SYT9: variants seen among roughly 807,000 people sequenced by gnomAD.
The protein encoded by SYT9 is synaptotagmin-9.
A neutral mutation model predicts 48.4 loss-of-function variants in SYT9; 22 were observed. That is an observed-to-expected ratio of 0.45 (90% CI 0.32 to 0.65). The LOEUF is 0.65. Ranked by LOEUF, SYT9 falls within the 30% of genes least tolerant of loss-of-function variation. The pLI is 0.03. For missense variants in SYT9, 577 were observed against 622.0 expected (o/e 0.93, Z 0.77); for synonymous variants, 265 against 245.0 (o/e 1.08, Z -0.76).
At chr11:7,296,663 G>A (rs1278377983) in intron 1 of SYT9, among the ~76,000 whole-genome samples, 1 of 151,538 alleles carries the variant, frequency 6.6e-6, no homozygotes, top group Non-Finnish European at 1.5e-5. Context: ...TTTTTAAATT[G>A]CAAAAGAGAG....
intron 6 of SYT9, among the ~76,000 whole-genome samples, chr11:7,455,823 CTT>C (rs1390216517): frequency 6.6e-6 from 1 of 152,184 alleles, no homozygotes; most frequent in East Asian, 1.9e-4. Context: ...TACAGCTGCT[CTT>C]TGTGACCTGT....
At chr11:7,267,007 C>G (rs1382380191) in intron 1 of SYT9, among the ~76,000 whole-genome samples, 3 of 151,918 alleles carry the variant, frequency 2.0e-5, no homozygotes, top group Non-Finnish European at 2.9e-5. Flanking sequence ...TTTTCCAAAA[C>G]CTCATGCTAA....
chr11:7,303,447 T>TGCTATTGTTGCCAGAGAG, intron 2 of SYT9, 57 bp downstream of exon 2: 1 of 1,426,802 alleles, frequency 7.0e-7, no homozygotes, highest in Non-Finnish European at 9.4e-7. Context: ...TTCCCCTCTC[T>TGCTATTGTTGCCAGAGAG]GGCAACAATA....
At chr11:7,354,636 C>T (rs1044493298) in intron 3 of SYT9, among the ~76,000 whole-genome samples, 39 of 152,114 alleles carry the variant, frequency 2.6e-4, no homozygotes, top group Non-Finnish European at 1.0e-4. Context: ...GTTCTACTTT[C>T]CCATGCTGTC....
intron 3 of SYT9, among the ~76,000 whole-genome samples, chr11:7,391,587 A>G (rs1471407960): frequency 6.6e-6 from 1 of 151,792 alleles, no homozygotes; most frequent in East Asian, 1.9e-4. Flanking sequence ...TTGAATGCTT[A>G]TATGTCTTAT....
In SYT9 at chr11:7,463,769, G is replaced by T. The variant is rs7103611; in HGVS notation, c.1468-3023G>T. Among the ~76,000 whole-genome samples the T allele has an allele frequency of 7.6e-3, 1,163 of 152,154 alleles. 12 individuals are homozygous for T. The highest frequency in any genetic ancestry group is 0.027 in the African/African-American group (1,107 of 41,496). ...TTCAGAGCCCAGAAAACTCACCCAAGTGAAGGGCTGCACCTTAAGAAGGGG... is the reference window on the plus strand; with the variant it reads ...TTCAGAGCCCAGAAAACTCACCCAATTGAAGGGCTGCACCTTAAGAAGGGG... On this transcript the variant is annotated intron_variant, in intron 6 of 6. Transcript: ENST00000318881.
chr11:7,353,206 G>A (rs1244729718), intron 3 of SYT9, among the ~76,000 whole-genome samples: 6 of 152,054 alleles, frequency 3.9e-5, no homozygotes, highest in African/African-American at 1.4e-4. Flanking sequence ...CACAGGAGAG[G>A]CATTGCAAGA....
At chr11:7,422,620 T>C (rs1261057876) in intron 6 of SYT9, among the ~76,000 whole-genome samples, 1 of 152,346 alleles carries the variant, frequency 6.6e-6, no homozygotes, top group East Asian at 1.9e-4. Flanking sequence ...TTATTGGTAA[T>C]TAGGAGTATC....
chr11:7,397,225 T>C (rs1257021797), intron 3 of SYT9, among the ~76,000 whole-genome samples: 2 of 152,110 alleles, frequency 1.3e-5, no homozygotes, highest in Non-Finnish European at 2.9e-5. Context: ...TGTTTGCAAA[T>C]AGATATCCAA....
At chr11:7,428,417 G>T (rs1847507049) in intron 6 of SYT9, among the ~76,000 whole-genome samples, 1 of 152,166 alleles carries the variant, frequency 6.6e-6, no homozygotes, top group East Asian at 1.9e-4. Flanking sequence ...AACATGATAG[G>T]CCAGTTCTTT....
intron 3 of SYT9, among the ~76,000 whole-genome samples, chr11:7,355,097 T>C (rs1849992602): frequency 6.6e-6 from 1 of 152,206 alleles, no homozygotes; most frequent in Non-Finnish European, 1.5e-5. Flanking sequence ...TACGTTTCCA[T>C]AGGTTTTCTC....
chr11:7,446,297 G>A (rs1227142398), intron 6 of SYT9, among the ~76,000 whole-genome samples: 1 of 152,226 alleles, frequency 6.6e-6, no homozygotes, highest in East Asian at 1.9e-4. Flanking sequence ...TCTGAGAGTT[G>A]TAAGAATTAA....
chr11:7,397,587 C>T (rs1846780598), intron 3 of SYT9, among the ~76,000 whole-genome samples: 2 of 152,088 alleles, frequency 1.3e-5, no homozygotes, highest in South Asian at 4.1e-4. Flanking sequence ...TGGAATGGCA[C>T]TAAATTTATA....
intron 3 of SYT9, among the ~76,000 whole-genome samples, chr11:7,390,135 G>GCTCCCCAC (rs1321430707): frequency 5.9e-5 from 9 of 151,886 alleles, no homozygotes; most frequent in African/African-American, 2.2e-4. Flanking sequence ...CCCTCCCCCA[G>GCTCCCCAC]CTCCCCACCT....
chr11:7,288,206 G>T (rs1168914579), intron 1 of SYT9, among the ~76,000 whole-genome samples: 4 of 151,608 alleles, frequency 2.6e-5, no homozygotes, highest in Non-Finnish European at 5.9e-5. Flanking sequence ...CTCCATAGAA[G>T]TACTTTGACA....
chr11:7,308,363 A>G lies in SYT9; in HGVS notation c.497+4973A>G, dbSNP rs569079766. Among the ~76,000 whole-genome samples the G allele has an allele frequency of 3.3e-5, 5 of 152,254 alleles. No individual in the cohort carries two copies. The South Asian group carries it at 1.0e-3, about 32-fold the overall frequency. On this transcript the variant is annotated intron_variant, in intron 2 of 6. Transcript: ENST00000318881. ...GTGGGCCACTGCAGTGAAGGAACAT[A>G]TATTAGGGTGCACTTGTTCATGGCT...
intron 3 of SYT9, among the ~76,000 whole-genome samples, chr11:7,413,416 A>T (rs1847177934): frequency 6.6e-6 from 1 of 152,158 alleles, no homozygotes; most frequent in Admixed American, 6.5e-5. Context: ...TCTTTGAAGC[A>T]ATACCACTGT....
At chr11:7,355,482 A>G (rs1247822932) in intron 3 of SYT9, among the ~76,000 whole-genome samples, 1 of 152,188 alleles carries the variant, frequency 6.6e-6, no homozygotes, top group African/African-American at 2.4e-5. Flanking sequence ...CTCAACTCAA[A>G]TCTCACCTTC....
chr11:7,362,104 T>C (rs1204761184), intron 3 of SYT9, among the ~76,000 whole-genome samples: 1 of 151,582 alleles, frequency 6.6e-6, no homozygotes, highest in African/African-American at 2.4e-5. Flanking sequence ...CTTCTCTTTT[T>C]TTCTTTTTCT....
Sources: gnomAD v4.1 joint callset for allele counts (sites outside exome capture counted in the v4.1 genomes callset) on GRCh38, gnomAD v4.1.1 for gene constraint, MANE v1.5 for transcripts, NCBI Gene and HGNC (gene_info 2026-07-23, HGNC 2026-07-21) for gene names.